Variants in NKAIN2 observed in about 807,000 individuals in gnomAD.
NKAIN2 encodes sodium/potassium transporting ATPase interacting 2.
Under a neutral mutation model 32.6 loss-of-function variants are expected in NKAIN2, and 14 were observed. That is an observed-to-expected ratio of 0.43 (90% CI 0.28 to 0.67). The LOEUF (loss-of-function observed/expected upper bound fraction) is 0.67, where lower values mean the gene tolerates loss of function less well. NKAIN2 is among the 30% of genes least tolerant of loss of function. The pLI, the probability that NKAIN2 is intolerant of heterozygous loss-of-function variation, is 0.17. For synonymous variants in NKAIN2, 80 were observed against 87.2 expected (o/e 0.92, Z 0.46); for missense variants, 198 against 258.3 (o/e 0.77, Z 1.60).
intron 1 of NKAIN2, among the ~76,000 whole-genome samples, chr6:124,225,930 G>T (rs1027163211): frequency 9.2e-5 from 14 of 151,872 alleles, no homozygotes; most frequent in African/African-American, 2.7e-4. Context: ...TTGTACACTG[G>T]TCATTTTTGC....
At chr6:123,985,271 G>C (rs1027666631) in intron 1 of NKAIN2, among the ~76,000 whole-genome samples, 7 of 152,030 alleles carry the variant, frequency 4.6e-5, no homozygotes, top group Admixed American at 4.6e-4. Context: ...GTGGTGGTGG[G>C]TGCCTGTAAT....
At chr6:123,949,650 T>C (rs948454284) in intron 1 of NKAIN2, among the ~76,000 whole-genome samples, 2 of 152,194 alleles carry the variant, frequency 1.3e-5, no homozygotes, top group African/African-American at 4.8e-5. Context: ...ATGTTTATTT[T>C]GTATCCTGCA....
At chr6:124,690,020 T>C (rs933719900) in intron 4 of NKAIN2, among the ~76,000 whole-genome samples, 4 of 152,140 alleles carry the variant, frequency 2.6e-5, no homozygotes, top group African/African-American at 9.6e-5. Flanking sequence ...TTGAATTGCA[T>C]TGAATTCATA....
At chr6:124,727,223 C>G (rs1296066917) in intron 4 of NKAIN2, among the ~76,000 whole-genome samples, 1 of 151,478 alleles carries the variant, frequency 6.6e-6, no homozygotes, top group Admixed American at 6.6e-5. Context: ...AAAGATACTC[C>G]TCGAGAAGAG....
intron 1 of NKAIN2, among the ~76,000 whole-genome samples, chr6:123,984,582 C>A (rs1234652076): frequency 6.6e-6 from 1 of 152,128 alleles, no homozygotes; most frequent in Non-Finnish European, 1.5e-5. Flanking sequence ...CTGAAACTGC[C>A]TCCTACATAT....
At chr6:124,594,499 G>A (rs1782015723) in intron 3 of NKAIN2, among the ~76,000 whole-genome samples, 1 of 152,144 alleles carries the variant, frequency 6.6e-6, no homozygotes, top group Non-Finnish European at 1.5e-5. Context: ...ACTGAAATAT[G>A]GATTAAGTCA....
chr6:124,465,988 A>G (rs1328841426), intron 3 of NKAIN2, among the ~76,000 whole-genome samples: 1 of 152,152 alleles, frequency 6.6e-6, no homozygotes, highest in Non-Finnish European at 1.5e-5. Flanking sequence ...ATTAAATATA[A>G]AAACAAACTC....
At chr6:124,815,214 C>CTATATACATACA (rs1781089711) in intron 5 of NKAIN2, among the ~76,000 whole-genome samples, 1 of 68,792 alleles carries the variant, frequency 1.5e-5, no homozygotes, top group African/African-American at 5.2e-5. Flanking sequence ...CAGTCTTAAA[C>CTATATACATACA]TATATATATA....
At chr6:123,827,282 A>T (rs1164074827) in intron 1 of NKAIN2, among the ~76,000 whole-genome samples, 1 of 152,146 alleles carries the variant, frequency 6.6e-6, no homozygotes, top group Non-Finnish European at 1.5e-5. Context: ...ATGGCAAGAG[A>T]TCAGGCAAAT....
intron 1 of NKAIN2, among the ~76,000 whole-genome samples, chr6:124,079,146 AC>A (rs1783833940): frequency 6.6e-6 from 1 of 151,818 alleles, no homozygotes. Context: ...ACATGGTGAA[AC>A]CCCGTCTCTA....
intron 3 of NKAIN2, among the ~76,000 whole-genome samples, chr6:124,506,179 TAAAAAAAAA>T (rs57951162): frequency 6.8e-6 from 1 of 147,306 alleles, no homozygotes; most frequent in Non-Finnish European, 1.5e-5. Flanking sequence ...AGACTCCGTC[TAAAAAAAAA>T]AGAAAAAAAA....
chr6:124,389,574 G>A (rs1257909267), intron 3 of NKAIN2, among the ~76,000 whole-genome samples: 3 of 152,020 alleles, frequency 2.0e-5, no homozygotes, highest in Non-Finnish European at 4.4e-5. Context: ...ATAAAGCCCT[G>A]AGGAAATAGA....
intron 3 of NKAIN2, among the ~76,000 whole-genome samples, chr6:124,375,189 A>G (rs895197503): frequency 6.6e-6 from 1 of 151,850 alleles, no homozygotes; most frequent in African/African-American, 2.4e-5. Context: ...GTCTTCTTAG[A>G]TTATTCTGCC....
chr6:124,399,451 TAAG>T (rs918938928), intron 3 of NKAIN2, among the ~76,000 whole-genome samples: 2 of 152,138 alleles, frequency 1.3e-5, no homozygotes, highest in Non-Finnish European at 2.9e-5. Context: ...CATTAAGAAA[TAAG>T]AGTTTGTAGG....
chr6:124,355,082 A>G (rs1475617958), intron 2 of NKAIN2, among the ~76,000 whole-genome samples, 185 bp from the exon 3 acceptor site: 3 of 150,900 alleles, frequency 2.0e-5, no homozygotes, highest in Admixed American at 1.3e-4. Flanking sequence ...AAAAAAAAAA[A>G]GGAAAGAAGG....
intron 3 of NKAIN2, among the ~76,000 whole-genome samples, chr6:124,476,741 C>T (rs868164613): frequency 9.2e-5 from 14 of 152,092 alleles, no homozygotes; most frequent in Admixed American, 4.6e-4. Flanking sequence ...ATTTTGCAAA[C>T]GTGCACCCAA....
At chr6:124,022,141 G>T (rs9491045) in intron 1 of NKAIN2, among the ~76,000 whole-genome samples, 2 of 150,598 alleles carry the variant, frequency 1.3e-5, no homozygotes, top group African/African-American at 4.9e-5. Flanking sequence ...GAGAACATGC[G>T]GTGTTTGGTT....
chr6:123,817,158 A>C (rs981377576), intron 1 of NKAIN2, among the ~76,000 whole-genome samples: 2 of 152,116 alleles, frequency 1.3e-5, no homozygotes, highest in African/African-American at 4.8e-5. Context: ...TGTTTAATGA[A>C]TATGTGAATG....
chr6:124,340,245 CTTA>C (rs201434880), intron 2 of NKAIN2, among the ~76,000 whole-genome samples: 11 of 152,204 alleles, frequency 7.2e-5, no homozygotes, highest in Non-Finnish European at 1.3e-4. Flanking sequence ...AGATTATTTT[CTTA>C]TTATTCATCA....
Sources: allele counts gnomAD v4.1 joint callset (sites outside exome capture counted in the v4.1 genomes callset), GRCh38; gene constraint gnomAD v4.1.1; transcripts MANE v1.5; gene names NCBI Gene and HGNC (gene_info 2026-07-23, HGNC 2026-07-21).